Variants in SLC25A17 observed in about 807,000 individuals in gnomAD.
The protein encoded by SLC25A17 is peroxisomal membrane protein PMP34.
A neutral mutation model predicts 38.5 loss-of-function variants in SLC25A17; 26 were observed. The observed-to-expected ratio is 0.68, with a 90% confidence interval of 0.50 to 0.94. The LOEUF (loss-of-function observed/expected upper bound fraction) is 0.94, where lower values mean the gene tolerates loss of function less well. Ranked by LOEUF, SLC25A17 falls within the 40% of genes least tolerant of loss-of-function variation. SLC25A17 has a pLI of 0.00. For synonymous variants in SLC25A17, 139 were observed against 136.2 expected, an observed-to-expected ratio of 1.02 and a Z score of -0.14; for missense variants, 333 against 372.7, an observed-to-expected ratio of 0.89 and a Z score of 0.88.
At chr22:40,771,040 C>A in intron 8 of SLC25A17, 59 bp from the exon 9 acceptor site, 1 of 1,381,778 alleles carries the variant, frequency 7.2e-7, no homozygotes, top group Non-Finnish European at 9.7e-7. Flanking sequence ...GAACATGCTA[C>A]CTAGATAGCT....
At chr22:40,774,384 C>T (rs777567021) in intron 7 of SLC25A17, among the ~76,000 whole-genome samples, 2 of 152,044 alleles carry the variant, frequency 1.3e-5, no homozygotes, top group African/African-American at 2.4e-5. Context: ...CCACCACGCC[C>T]GGCTAATTTT....
At chr22:40,806,127 C>T (rs904359243) in intron 1 of SLC25A17, among the ~76,000 whole-genome samples, 1 of 152,202 alleles carries the variant, frequency 6.6e-6, no homozygotes, top group African/African-American at 2.4e-5. Context: ...GCCAGAAACC[C>T]ATTCCACTTT....
At chr22:40,781,720 G>C (rs537124087) in intron 4 of SLC25A17, among the ~76,000 whole-genome samples, 1 of 152,128 alleles carries the variant, frequency 6.6e-6, no homozygotes, top group African/African-American at 2.4e-5. Flanking sequence ...TTTTTAACCA[G>C]TATAATTTTA....
chr22:40,787,707 T>TA (rs1569404196), intron 4 of SLC25A17, among the ~76,000 whole-genome samples: 1 of 152,018 alleles, frequency 6.6e-6, no homozygotes, highest in Non-Finnish European at 1.5e-5. Flanking sequence ...CTTTTTTTTT[T>TA]AGACTTGAAA....
intron 4 of SLC25A17, among the ~76,000 whole-genome samples, chr22:40,780,867 T>C (rs2145655222): frequency 6.6e-6 from 1 of 152,312 alleles, no homozygotes; most frequent in Middle Eastern, 3.4e-3. Context: ...GATCTAACCA[T>C]TCTTTAAAAT....
At chr22:40,773,411 A>AAT (rs2057207162) in intron 8 of SLC25A17, among the ~76,000 whole-genome samples, 1 of 39,196 alleles carries the variant, frequency 2.6e-5, no homozygotes, top group Admixed American at 1.6e-4. Context: ...CTCTGTCTCC[A>AAT]AAAAAAAAAA....
intron 1 of SLC25A17, among the ~76,000 whole-genome samples, chr22:40,809,881 G>A (rs1287674764): frequency 6.6e-5 from 10 of 151,970 alleles, no homozygotes; most frequent in African/African-American, 2.2e-4. Context: ...CTCTGGGTTG[G>A]CCACTGTCCT....
intron 2 of SLC25A17, chr22:40,797,310 A>G: frequency 7.7e-7 from 1 of 1,301,554 alleles, no homozygotes; most frequent in Non-Finnish European, 1.0e-6. Flanking sequence ...GTTCTGGCAT[A>G]GGTTTACAAT....
intron 4 of SLC25A17, among the ~76,000 whole-genome samples, chr22:40,786,300 A>G (rs138296): frequency 0.72 from 107,780 of 150,594 alleles, 39,760 homozygotes; most frequent in African/African-American, 0.88. Flanking sequence ...GACAAAGTGA[A>G]ACCCTGTTGC....
At chr22:40,804,166 C>T (rs1400145578) in intron 1 of SLC25A17, among the ~76,000 whole-genome samples, 1 of 152,066 alleles carries the variant, frequency 6.6e-6, no homozygotes, top group Non-Finnish European at 1.5e-5. Context: ...AAAAGGAGTC[C>T]TTTTAATAAT....
intron 1 of SLC25A17, among the ~76,000 whole-genome samples, chr22:40,812,410 C>A (rs372864254): frequency 2.0e-5 from 3 of 152,112 alleles, no homozygotes; most frequent in African/African-American, 7.2e-5. Context: ...GTCCCCCCAG[C>A]GTGTGCAATC....
At chr22:40,792,821 C>T (rs1415411611) in intron 3 of SLC25A17, 145 bp from the exon 4 acceptor site, 4 of 628,054 alleles carry the variant, frequency 6.4e-6, no homozygotes, top group African/African-American at 5.5e-5. Context: ...TGTACACACA[C>T]CTCACATTCT....
intron 1 of SLC25A17, among the ~76,000 whole-genome samples, chr22:40,815,980 A>G (rs1602635488): frequency 6.6e-6 from 1 of 152,198 alleles, no homozygotes; most frequent in East Asian, 1.9e-4. Context: ...TGAGGGCGGG[A>G]GCTCAAGACC....
intron 1 of SLC25A17, among the ~76,000 whole-genome samples, chr22:40,809,721 A>G (rs1473336017): frequency 6.6e-6 from 1 of 152,132 alleles, no homozygotes; most frequent in African/African-American, 2.4e-5. Context: ...TAACCACATA[A>G]GCAAGACTCT....
At chr22:40,807,674 G>A (rs1397247368) in intron 1 of SLC25A17, among the ~76,000 whole-genome samples, 3 of 152,098 alleles carry the variant, frequency 2.0e-5, no homozygotes, top group South Asian at 2.1e-4. Context: ...GCATGAACCC[G>A]GGAGGCGGAA....
At chr22:40,809,630 CA>C (rs1048143340) in intron 1 of SLC25A17, among the ~76,000 whole-genome samples, 7 of 144,710 alleles carry the variant, frequency 4.8e-5, no homozygotes, top group African/African-American at 7.6e-5. Context: ...GACCCTGTCT[CA>C]AAAAAAAAAC....
intron 1 of SLC25A17, among the ~76,000 whole-genome samples, chr22:40,805,180 C>G (rs761606906): frequency 6.6e-6 from 1 of 152,036 alleles, no homozygotes; most frequent in Non-Finnish European, 1.5e-5. Flanking sequence ...ATTAAAAATA[C>G]AAAAATTAGC....
chr22:40,771,476 A>C (rs2057182663), intron 8 of SLC25A17, among the ~76,000 whole-genome samples: 1 of 152,202 alleles, frequency 6.6e-6, no homozygotes, highest in Admixed American at 6.5e-5. Context: ...TCAACAGATA[A>C]ATGGATAAAG....
chr22:40,788,033 G>A (rs182138505), intron 4 of SLC25A17, among the ~76,000 whole-genome samples: 1 of 152,284 alleles, frequency 6.6e-6, no homozygotes, highest in East Asian at 1.9e-4. Flanking sequence ...TGGGATTACA[G>A]GCGTGAGCCA....
Sources: gnomAD v4.1 joint callset for allele counts (sites outside exome capture counted in the v4.1 genomes callset) on GRCh38, gnomAD v4.1.1 for gene constraint, MANE v1.5 for transcripts, NCBI Gene and HGNC (gene_info 2026-07-23, HGNC 2026-07-21) for gene names.